Variants in KCNIP1 observed in about 807,000 individuals in gnomAD.
KCNIP1 encodes potassium voltage-gated channel interacting protein 1, also known as A-type potassium channel modulatory protein KCNIP1.
A neutral mutation model predicts 33.0 loss-of-function variants in KCNIP1; 18 were observed. The ratio of observed to expected loss-of-function variants is 0.55; its 90% CI spans 0.38 to 0.81. The LOEUF (loss-of-function observed/expected upper bound fraction) is 0.81. KCNIP1 is among the 30% of genes least tolerant of loss of function. The probability of loss-of-function intolerance (pLI) is 0.00; values close to 1 mark genes in which losing one functional copy is unlikely to be tolerated. For synonymous variants in KCNIP1, 93 were observed against 98.3 expected (o/e 0.95, Z 0.32); for missense variants, 238 against 271.6 (o/e 0.88, Z 0.87).
At chr5:170,691,669 C>T (rs112888794) in intron 1 of KCNIP1, among the ~76,000 whole-genome samples, 77 of 152,278 alleles carry the variant, frequency 5.1e-4, no homozygotes, top group African/African-American at 1.6e-3. Flanking sequence ...CACAACAATT[C>T]CACTAGTATC....
At chr5:170,558,478 G>T (rs539722022) in intron 1 of KCNIP1, among the ~76,000 whole-genome samples, 49 of 152,296 alleles carry the variant, frequency 3.2e-4, no homozygotes, top group African/African-American at 1.2e-3. Context: ...TGAACAGGTG[G>T]GACACCAAGC....
chr5:170,510,256 T>TTATGTCAC (rs1754882102), intron 1 of KCNIP1, among the ~76,000 whole-genome samples: 2 of 152,210 alleles, frequency 1.3e-5, no homozygotes, highest in Admixed American at 1.3e-4. Flanking sequence ...GAGGTTGTCA[T>TTATGTCAC]TATGGGTTTA....
intron 1 of KCNIP1, among the ~76,000 whole-genome samples, chr5:170,523,255 G>C (rs1343364383): frequency 6.6e-6 from 1 of 152,230 alleles, no homozygotes; most frequent in Non-Finnish European, 1.5e-5. Flanking sequence ...CTGCACTCCT[G>C]ATCTTGCGTG....
At chr5:170,615,922 T>C (rs931278310) in intron 1 of KCNIP1, among the ~76,000 whole-genome samples, 12 of 152,208 alleles carry the variant, frequency 7.9e-5, no homozygotes, top group African/African-American at 2.9e-4. Flanking sequence ...GGTTTGTTGT[T>C]GTTTTACTAT....
intron 1 of KCNIP1, among the ~76,000 whole-genome samples, chr5:170,689,389 T>A (rs554212447): frequency 6.6e-6 from 1 of 152,228 alleles, no homozygotes; most frequent in African/African-American, 2.4e-5. Flanking sequence ...TGCATGGTCA[T>A]ATGTCCCTTG....
chr5:170,721,660 T>G (rs755055487), intron 3 of KCNIP1, 173 bp from the exon 4 acceptor site: 32 of 1,419,464 alleles, frequency 2.3e-5, no homozygotes, highest in Middle Eastern at 1.8e-4. Flanking sequence ...TAGATCTAAC[T>G]TCACACCCAA....
intron 1 of KCNIP1, among the ~76,000 whole-genome samples, chr5:170,510,755 G>A (rs905091043): frequency 3.3e-5 from 5 of 152,124 alleles, no homozygotes; most frequent in African/African-American, 7.2e-5. Context: ...TCATTGGTGC[G>A]GTGGGGGGAA....
intron 1 of KCNIP1, among the ~76,000 whole-genome samples, chr5:170,690,157 A>G (rs1401973960): frequency 6.6e-6 from 1 of 152,180 alleles, no homozygotes; most frequent in Non-Finnish European, 1.5e-5. Flanking sequence ...TCACTGATGA[A>G]TGACGGCCCT....
chr5:170,634,899 A>T (rs551250107), intron 1 of KCNIP1, among the ~76,000 whole-genome samples: 2 of 152,208 alleles, frequency 1.3e-5, no homozygotes, highest in Admixed American at 6.5e-5. Context: ...CACAAACTAG[A>T]TTGTCAAGAG....
intron 1 of KCNIP1, among the ~76,000 whole-genome samples, chr5:170,479,579 C>T (rs1458964131): frequency 6.6e-6 from 1 of 152,096 alleles, no homozygotes. Context: ...TTCTAAGAAT[C>T]GCCATAGTAA....
At chr5:170,631,963 G>T (rs1760064901) in intron 1 of KCNIP1, among the ~76,000 whole-genome samples, 1 of 152,220 alleles carries the variant, frequency 6.6e-6, no homozygotes, top group African/African-American at 2.4e-5. Context: ...GTCAGGGGTG[G>T]ACCTCCCCTT....
intron 1 of KCNIP1, among the ~76,000 whole-genome samples, chr5:170,603,363 T>C (rs1758774354): frequency 6.6e-6 from 1 of 152,094 alleles, no homozygotes; most frequent in Admixed American, 6.5e-5. Context: ...TTCCGTCACT[T>C]GAGAGTACAG....
chr5:170,629,901 C>T (rs1004519400), intron 1 of KCNIP1, among the ~76,000 whole-genome samples: 4 of 152,236 alleles, frequency 2.6e-5, no homozygotes, highest in Non-Finnish European at 5.9e-5. Flanking sequence ...CTACTCCATC[C>T]AGCCCATCCT....
At chr5:170,554,944 G>A (rs1460842996) in intron 1 of KCNIP1, among the ~76,000 whole-genome samples, 3 of 152,188 alleles carry the variant, frequency 2.0e-5, no homozygotes, top group Non-Finnish European at 4.4e-5. Flanking sequence ...TTTGCACCAG[G>A]TATTTAATTA....
intron 1 of KCNIP1, among the ~76,000 whole-genome samples, chr5:170,631,080 C>T (rs1012331894): frequency 6.6e-6 from 1 of 152,162 alleles, no homozygotes; most frequent in African/African-American, 2.4e-5. Context: ...AGATGACTTC[C>T]TTCTCTGAGC....
intron 1 of KCNIP1, among the ~76,000 whole-genome samples, chr5:170,509,430 T>A (rs1754848974): frequency 6.6e-6 from 1 of 152,232 alleles, no homozygotes; most frequent in Non-Finnish European, 1.5e-5. Flanking sequence ...TTGTTTTGAC[T>A]TGGTCTCTGG....
At chr5:170,574,486 G>A (rs1364199184) in intron 1 of KCNIP1, among the ~76,000 whole-genome samples, 1 of 152,228 alleles carries the variant, frequency 6.6e-6, no homozygotes, top group Non-Finnish European at 1.5e-5. Context: ...GAAAGCAAAA[G>A]TTGTCAGGAG....
chr5:170,591,339 A>G (rs142888457), intron 1 of KCNIP1, among the ~76,000 whole-genome samples: 1,623 of 150,894 alleles, frequency 0.011, 27 homozygotes, highest in African/African-American at 0.037. Flanking sequence ...GGACTTGGAC[A>G]GCGGTGGAAG....
intron 1 of KCNIP1, among the ~76,000 whole-genome samples, chr5:170,360,160 C>T (rs1428746669): frequency 1.3e-5 from 2 of 152,196 alleles, no homozygotes; most frequent in African/African-American, 4.8e-5. Flanking sequence ...CTCATCTTCC[C>T]CAGTCTTCTT....
Sources: gnomAD v4.1 joint callset for allele counts (sites outside exome capture counted in the v4.1 genomes callset) on GRCh38, gnomAD v4.1.1 for gene constraint, MANE v1.5 for transcripts, NCBI Gene and HGNC (gene_info 2026-07-23, HGNC 2026-07-21) for gene names.